ZFHX4: variants seen among roughly 807,000 people sequenced by gnomAD.
ZFHX4 encodes zinc finger homeobox protein 4.
ZFHX4 carries 56 observed loss-of-function variants against 267.6 expected under a neutral mutation model. The observed-to-expected ratio is 0.21, with a 90% CI of 0.17 to 0.26. ZFHX4 has a LOEUF of 0.26. ZFHX4 is among the 10% of genes least tolerant of loss of function. ZFHX4 has a pLI of 1.00. For missense variants in ZFHX4, 4,332 were observed against 4,420.0 expected (o/e 0.98, Z 0.56); for synonymous variants, 1,778 against 1,665.6 (o/e 1.07, Z -1.64).
intron 3 of ZFHX4, among the ~76,000 whole-genome samples, chr8:76,766,828 T>TTTGAAAAGTA (rs1810063170): frequency 6.7e-6 from 1 of 149,436 alleles, no homozygotes; most frequent in Non-Finnish European, 1.5e-5. Context: ...TTTCAATTAC[T>TTTGAAAAGTA]ATTTAAATAA....
intron 3 of ZFHX4, among the ~76,000 whole-genome samples, chr8:76,747,306 T>C (rs1474690988): frequency 6.6e-6 from 1 of 152,124 alleles, no homozygotes; most frequent in Non-Finnish European, 1.5e-5. Flanking sequence ...AGGGGGTACA[T>C]GTACAGGTTT....
chr8:76,857,557 A>G (rs1458163223), intron 10 of ZFHX4, among the ~76,000 whole-genome samples: 1 of 152,030 alleles, frequency 6.6e-6, no homozygotes, highest in Non-Finnish European at 1.5e-5. Context: ...ATGACATCCT[A>G]TGGCCCCTCA....
At chr8:76,804,811 G>A (rs1203710349) in intron 4 of ZFHX4, among the ~76,000 whole-genome samples, 1 of 152,076 alleles carries the variant, frequency 6.6e-6, no homozygotes, top group Admixed American at 6.6e-5. Flanking sequence ...AAATTCCACA[G>A]CTGCATTTGT....
intron 4 of ZFHX4, among the ~76,000 whole-genome samples, chr8:76,814,778 C>G (rs1221451655): frequency 6.6e-6 from 1 of 152,094 alleles, no homozygotes; most frequent in Admixed American, 6.5e-5. Flanking sequence ...CTCGTTCAAG[C>G]TCCTAACTTC....
chr8:76,687,215 A>C (rs558672555), intron 1 of ZFHX4, among the ~76,000 whole-genome samples: 1 of 152,360 alleles, frequency 6.6e-6, no homozygotes, highest in East Asian at 1.9e-4. Flanking sequence ...GTGAAATTTC[A>C]TTAGTCTCCA....
At chr8:76,835,259 A>ATGTATATATATATATATATATG in intron 5 of ZFHX4, among the ~76,000 whole-genome samples, 1 of 144,002 alleles carries the variant, frequency 6.9e-6, no homozygotes, top group South Asian at 2.2e-4. Flanking sequence ...ATATATATAT[A>ATGTATATATATATATATATATG]TTCATACATA....
At chr8:76,713,052 T>TG (rs1192118903) in intron 3 of ZFHX4, among the ~76,000 whole-genome samples, 23 of 152,204 alleles carry the variant, frequency 1.5e-4, no homozygotes, top group African/African-American at 5.5e-4. Context: ...TCAGAACAAA[T>TG]GCAATTGGCC....
Position 76,855,767 on chromosome 8 carries a change from G to A in ZFHX4, c.8846G>A (p.Ser2949Asn). Residue 2949 changes from serine to asparagine, a missense_variant, in exon 10 of 11, where the codon AGT (serine) becomes AAT (asparagine). Physicochemically the swap from Ser to Asn is conservative, Grantham distance 46. Around this residue, in one of 7 missense-constraint regions of ZFHX4, gnomAD observed 1,648 missense variants for 1,625.0 expected, o/e 1.01. Transcript: ENST00000651372. Reference protein sequence around the residue: ...LQLKVLKACFSDYRTPTMQEC... With the variant: ...LQLKVLKACFNDYRTPTMQEC... ...CTCAAGGTTCTCAAGGCTTGCTTTAGTGACTACCGAACTCCAACCATGCAA... is the reference window on the plus strand; with the variant it reads ...CTCAAGGTTCTCAAGGCTTGCTTTAATGACTACCGAACTCCAACCATGCAA... 1 of 1,613,958 alleles carries A rather than the reference G, an allele frequency of 6.2e-7. No homozygotes were observed. The highest frequency in any genetic ancestry group is 8.5e-7 in the Non-Finnish European group (1 of 1,179,870).
At chr8:76,701,099 T>C (rs1808091235) in intron 1 of ZFHX4, among the ~76,000 whole-genome samples, 1 of 152,146 alleles carries the variant, frequency 6.6e-6, no homozygotes, top group East Asian at 1.9e-4. Context: ...TCATATTCAG[T>C]GTCACTGTAT....
intron 1 of ZFHX4, among the ~76,000 whole-genome samples, chr8:76,688,664 A>G (rs1807751398): frequency 6.6e-6 from 1 of 152,128 alleles, no homozygotes; most frequent in African/African-American, 2.4e-5. Flanking sequence ...AAAATACCAT[A>G]AGTGTGAAGA....
chr8:76,713,080 C>T (rs979564244), intron 3 of ZFHX4, among the ~76,000 whole-genome samples: 2 of 152,250 alleles, frequency 1.3e-5, no homozygotes, highest in South Asian at 4.1e-4. Flanking sequence ...TCAACTATGT[C>T]TACTTCTGTT....
At chr8:76,755,586 A>G in intron 3 of ZFHX4, among the ~76,000 whole-genome samples, 1 of 152,152 alleles carries the variant, frequency 6.6e-6, no homozygotes, top group Middle Eastern at 3.2e-3. Flanking sequence ...TTAAAAATTA[A>G]ATCTAGTGCT....
intron 6 of ZFHX4, among the ~76,000 whole-genome samples, chr8:76,848,740 G>T (rs1035977849): frequency 3.3e-5 from 5 of 152,128 alleles, no homozygotes; most frequent in African/African-American, 7.2e-5. Flanking sequence ...TGTTATTGAT[G>T]AATCTTTCCA....
Position 76,863,698 on chromosome 8 carries a change from G to A in ZFHX4, c.9984G>A (p.Glu3328=), listed in dbSNP as rs963526836. 1 of 1,582,658 alleles carries A rather than the reference G, an allele frequency of 6.3e-7. No individual in the cohort carries two copies. The highest frequency in any genetic ancestry group is 8.6e-7 in the Non-Finnish European group (1 of 1,163,714). ...QYQQYQQNLQ[E]SLQKQQKQQQ... ...AACAGTATCAGCAGAACCTGCAGGA[G>A]TCCCTGCAAAAGCAGCAAAAGCAAC... The change falls in exon 11 of 11, where the codon GAG becomes GAA. Residue 3328 remains glutamate (E), a synonymous_variant. Transcript: ENST00000651372.
chr8:76,783,475 T>C lies in ZFHX4; in HGVS notation c.3325+5036T>C, dbSNP rs114177277. ...TGAAGAATAACAAACTCCAGTGTTG[T>C]TTTCTTTTTTTAAAAAAGTACATAT... is the stretch of plus-strand genomic sequence containing the variant. On this transcript the variant is annotated intron_variant, in intron 4 of 10. Transcript: ENST00000651372. 8.6e-3 allele frequency among the ~76,000 whole-genome samples: 1,306 copies of C among 152,136 alleles called. 21 individuals carry two copies. Among genetic ancestry groups the C allele is most frequent in the African/African-American group, 0.03 (1,244 of 41,558 alleles).
chr8:76,716,551 T>A (rs1482716638), intron 3 of ZFHX4, among the ~76,000 whole-genome samples: 1 of 151,290 alleles, frequency 6.6e-6, no homozygotes, highest in Admixed American at 6.6e-5. Context: ...CTAGCCCACA[T>A]TAATAAGGTT....
intron 3 of ZFHX4, among the ~76,000 whole-genome samples, chr8:76,723,868 G>A (rs549863850): frequency 7.2e-5 from 11 of 152,036 alleles, no homozygotes; most frequent in African/African-American, 2.4e-4. Flanking sequence ...GGAAAGTGAC[G>A]AGTTTGAATG....
At chr8:76,831,971 C>T (rs1189906675) in intron 4 of ZFHX4, among the ~76,000 whole-genome samples, 1 of 142,952 alleles carries the variant, frequency 7.0e-6, no homozygotes, top group East Asian at 2.2e-4. Flanking sequence ...TTTTTTCTTT[C>T]ATGATGAATT....
chr8:76,714,596 G>A (rs568061543), intron 3 of ZFHX4, among the ~76,000 whole-genome samples: 2 of 152,132 alleles, frequency 1.3e-5, no homozygotes, highest in South Asian at 2.1e-4. Context: ...AGAGGATGGC[G>A]ATTAGTATAA....
Sources: allele counts gnomAD v4.1 joint callset (sites outside exome capture counted in the v4.1 genomes callset), GRCh38; gene constraint gnomAD v4.1.1; regional missense constraint gnomAD v4.1.1; transcripts MANE v1.5; gene names NCBI Gene and HGNC (gene_info 2026-07-23, HGNC 2026-07-21).